Variants in DOCK9 observed in about 807,000 individuals in gnomAD.
DOCK9 encodes dedicator of cytokinesis 9.
A neutral mutation model predicts 263.3 loss-of-function variants in DOCK9; 89 were observed. That is an observed-to-expected ratio of 0.34 (90% CI 0.28 to 0.40). DOCK9 has a LOEUF of 0.40. DOCK9 is among the 10% of genes least tolerant of loss of function. The pLI is 1.00. For missense variants in DOCK9, 2,140 were observed against 2,603.4 expected, an observed-to-expected ratio of 0.82 and a Z score of 3.87; for synonymous variants, 976 against 973.1, an observed-to-expected ratio of 1.00 and a Z score of -0.06.
intron 4 of DOCK9, among the ~76,000 whole-genome samples, chr13:98,925,188 A>G (rs935167403): frequency 6.6e-6 from 1 of 152,038 alleles, no homozygotes; most frequent in African/African-American, 2.4e-5. Context: ...AAAAATAAAT[A>G]AATAAATCTC....
At chr13:98,839,838 G>A (rs1306566699) in intron 38 of DOCK9, among the ~76,000 whole-genome samples, 1 of 152,182 alleles carries the variant, frequency 6.6e-6, no homozygotes, top group East Asian at 1.9e-4. Flanking sequence ...ATGGAAACAT[G>A]GTACTGGGAA....
Position 99,015,417 on chromosome 13 carries a change from T to C in DOCK9, c.130-59866A>G, listed in dbSNP as rs1885244237. On this transcript the variant is annotated intron_variant, in intron 1 of 32. Transcript: ENST00000427887. ...CTAGTTTATTCTAACACCATTAAACTACTTGTTAATTAAGCAAGATAGCAT... is the reference window on the plus strand; with the variant it reads ...CTAGTTTATTCTAACACCATTAAACCACTTGTTAATTAAGCAAGATAGCAT... 4 of 1,542,674 alleles carry C rather than the reference T, an allele frequency of 2.6e-6. No homozygotes were observed. In the East Asian group the frequency reaches 9.1e-5, roughly 35 times the overall value.
chr13:98,881,762 C>CT, intron 24 of DOCK9, 130 bp downstream of exon 24: 1 of 1,244,932 alleles, frequency 8.0e-7, no homozygotes, highest in Admixed American at 2.0e-5. Context: ...AGATGGGGTC[C>CT]TTACACATGG....
In DOCK9 at chr13:98,831,802, G is replaced by T. The variant is rs758650453; in HGVS notation, c.4315-16C>A. On this transcript the variant is annotated splice_polypyrimidine_tract_variant and intron_variant, in intron 39 of 52. Transcript: ENST00000682017. ...GGAGCTGGTTCTTAAAACACACATTGACGGCTTTGTTAGACATACCAGTCA... is the reference window on the plus strand; with the variant it reads ...GGAGCTGGTTCTTAAAACACACATTTACGGCTTTGTTAGACATACCAGTCA... The T allele has an allele frequency of 3.7e-6, 6 of 1,612,516 alleles. No individual in the cohort carries two copies. The highest frequency in any genetic ancestry group is 5.1e-6 in the Non-Finnish European group (6 of 1,179,360).
intron 10 of DOCK9, among the ~76,000 whole-genome samples, chr13:98,904,042 T>C (rs866459807): frequency 1.3e-5 from 2 of 152,196 alleles, no homozygotes; most frequent in Non-Finnish European, 2.9e-5. Context: ...TGGAAATGGA[T>C]GGTGGTAATG....
At chr13:98,812,588 TGGTTACTTATTTTAAAAAGCAAAC>T (rs1339987978) in intron 45 of DOCK9, among the ~76,000 whole-genome samples, 2 of 152,310 alleles carry the variant, frequency 1.3e-5, no homozygotes, top group African/African-American at 4.8e-5. Context: ...AACTTAATTG[TGGTTACTTATTTTAAAAAGCAAAC>T]ATACTGAATG....
chr13:99,006,965 G>A (rs1252902057), intron 1 of DOCK9, among the ~76,000 whole-genome samples: 1 of 152,116 alleles, frequency 6.6e-6, no homozygotes, highest in Non-Finnish European at 1.5e-5. Context: ...GGTGGTGCTT[G>A]TCTGTAGTCC....
chr13:98,881,513 G>T, intron 25 of DOCK9, 45 bp downstream of exon 25: 1 of 1,500,788 alleles, frequency 6.7e-7, no homozygotes, highest in East Asian at 2.4e-5. Flanking sequence ...AAGGAAAACT[G>T]GAGAGCCACA....
chr13:99,015,741 A>G (rs1885309109), intron 1 of DOCK9: 13 of 1,360,176 alleles, frequency 9.6e-6, no homozygotes, highest in Non-Finnish European at 1.1e-5. Context: ...AACAGAAGGG[A>G]AGCTCTGAGC....
At chr13:98,967,548 C>A (rs969581557) in intron 1 of DOCK9, among the ~76,000 whole-genome samples, 29 of 152,198 alleles carry the variant, frequency 1.9e-4, no homozygotes, top group African/African-American at 6.8e-4. Context: ...ATGAACAGTA[C>A]GCATGATGGT....
In DOCK9 at chr13:98,797,272, G is replaced by A. The variant is rs1286158197; in HGVS notation, c.6018-19C>T. The A allele has an allele frequency of 1.2e-6, 2 of 1,613,548 alleles. No individual in the cohort carries two copies. Among genetic ancestry groups the A allele is most frequent in the Non-Finnish European group, 1.7e-6 (2 of 1,179,740 alleles). ...AAATTGCCTGGAATGGTACAGGCGG[G>A]AGAAACAAAGGCACGCAGAGGATAA... On this transcript the variant is annotated intron_variant, in intron 51 of 52. Transcript: ENST00000682017.
At chr13:98,851,628 G>A (rs1376553880) in intron 35 of DOCK9, among the ~76,000 whole-genome samples, 2 of 152,182 alleles carry the variant, frequency 1.3e-5, no homozygotes, top group African/African-American at 4.8e-5. Context: ...AGCAAGGAGG[G>A]GCCCAGCATG....
At chr13:98,794,951 C>T (rs891221999) in intron 52 of DOCK9, among the ~76,000 whole-genome samples, 1 of 152,114 alleles carries the variant, frequency 6.6e-6, no homozygotes, top group Non-Finnish European at 1.5e-5. Context: ...ATCACACACA[C>T]AAGTCTACAC....
chr13:99,020,738 T>A (rs1885995785), intron 1 of DOCK9, among the ~76,000 whole-genome samples: 1 of 152,176 alleles, frequency 6.6e-6, no homozygotes, highest in South Asian at 2.1e-4. Context: ...AAACTGGAAT[T>A]AATACTGTAT....
chr13:98,811,049 C>A (rs1320509521), intron 45 of DOCK9, among the ~76,000 whole-genome samples: 2 of 152,152 alleles, frequency 1.3e-5, no homozygotes, highest in African/African-American at 4.8e-5. Flanking sequence ...TGGAAGGGGG[C>A]CTGTCTGCCT....
chr13:98,831,599 T>C, intron 40 of DOCK9, 50 bp downstream of exon 40: 1 of 1,602,220 alleles, frequency 6.2e-7, no homozygotes, highest in South Asian at 1.1e-5. Flanking sequence ...TACCCTTCAA[T>C]TCCGGGGGAA....
intron 21 of DOCK9, among the ~76,000 whole-genome samples, chr13:98,884,663 C>T (rs140460875): frequency 8.5e-5 from 13 of 152,296 alleles, no homozygotes; most frequent in African/African-American, 3.1e-4. Context: ...ACCCTAAGAA[C>T]TCATCTTTAT....
At chr13:98,894,809 C>T (rs2047135261) in intron 15 of DOCK9, among the ~76,000 whole-genome samples, 1 of 151,456 alleles carries the variant, frequency 6.6e-6, no homozygotes, top group Non-Finnish European at 1.5e-5. Context: ...ATCAGAAACA[C>T]ATTAAAAGTC....
intron 48 of DOCK9, among the ~76,000 whole-genome samples, chr13:98,807,300 A>G (rs543298584): frequency 6.6e-6 from 1 of 152,328 alleles, no homozygotes; most frequent in Admixed American, 6.5e-5. Flanking sequence ...CCTTACATCC[A>G]GCCGTCAGTG....
Sources: allele counts gnomAD v4.1 joint callset (sites outside exome capture counted in the v4.1 genomes callset), GRCh38; gene constraint gnomAD v4.1.1; transcripts MANE v1.5; gene names NCBI Gene and HGNC (gene_info 2026-07-23, HGNC 2026-07-21).